RAPGEF4: variants seen among roughly 807,000 people sequenced by gnomAD.
RAPGEF4 encodes the protein Rap guanine nucleotide exchange factor 4, also known as RAP guanine-nucleotide-exchange factor (GEF) 4.
Under a neutral mutation model 147.9 loss-of-function variants are expected in RAPGEF4, and 66 were observed. The observed-to-expected ratio is 0.45, with a 90% confidence interval of 0.37 to 0.55. The LOEUF is 0.55. Among genes scored for constraint, RAPGEF4 ranks in the 20% least tolerant of loss-of-function variants. RAPGEF4 has a pLI of 0.00. For missense variants in RAPGEF4, 1,071 were observed against 1,257.3 expected (o/e 0.85, Z 2.24); for synonymous variants, 419 against 442.7 (o/e 0.95, Z 0.67).
chr2:173,009,824 T>C (rs558322208), intron 17 of RAPGEF4, among the ~76,000 whole-genome samples: 2 of 152,326 alleles, frequency 1.3e-5, no homozygotes, highest in African/African-American at 2.4e-5. Context: ...AAGGCTGTAA[T>C]AGTTAACTCT....
intron 6 of RAPGEF4, among the ~76,000 whole-genome samples, chr2:172,939,835 TA>T (rs1686972687): frequency 1.3e-5 from 2 of 151,958 alleles, no homozygotes; most frequent in African/African-American, 4.8e-5. Flanking sequence ...TCATTTTTTT[TA>T]GCATATGGGC....
At chr2:172,774,376 C>T (rs1683947138) in intron 1 of RAPGEF4, among the ~76,000 whole-genome samples, 1 of 152,190 alleles carries the variant, frequency 6.6e-6, no homozygotes, top group Admixed American at 6.5e-5. Flanking sequence ...TCAAATGCTG[C>T]CCCAATTGGG....
chr2:172,974,581 G>A (rs562697144), intron 10 of RAPGEF4, among the ~76,000 whole-genome samples: 49 of 152,308 alleles, frequency 3.2e-4, no homozygotes, highest in African/African-American at 1.2e-3. Flanking sequence ...CTATCAGGAG[G>A]CTGAGGTGGG....
upstream of RAPGEF4, chr2:172,735,761 C>A (rs957348698): frequency 1.3e-4 from 25 of 187,660 alleles, no homozygotes; most frequent in Admixed American, 3.7e-4. Flanking sequence ...GCGGGCGACT[C>A]GGCCCTCCCC....
chr2:173,002,429 A>G (rs879439322), intron 17 of RAPGEF4, among the ~76,000 whole-genome samples: 2 of 152,196 alleles, frequency 1.3e-5, no homozygotes, highest in African/African-American at 4.8e-5. Context: ...CAGAGCAAAC[A>G]TTCTCAGAAA....
intron 1 of RAPGEF4, among the ~76,000 whole-genome samples, chr2:172,787,499 T>C (rs1489662699): frequency 6.6e-6 from 1 of 152,096 alleles, no homozygotes; most frequent in Non-Finnish European, 1.5e-5. Flanking sequence ...CAGGAATACA[T>C]AGTGATTCGA....
intron 8 of RAPGEF4, among the ~76,000 whole-genome samples, chr2:172,963,581 A>C (rs1689521199): frequency 6.6e-6 from 1 of 152,174 alleles, no homozygotes; most frequent in Non-Finnish European, 1.5e-5. Flanking sequence ...TTGTACTAAG[A>C]TTTTAAACCC....
chr2:172,806,733 T>G (rs1409919036), intron 3 of RAPGEF4, among the ~76,000 whole-genome samples: 1 of 152,202 alleles, frequency 6.6e-6, no homozygotes, highest in African/African-American at 2.4e-5. Flanking sequence ...ATCACTTAAT[T>G]TCATCCCCTC....
chr2:172,772,559 G>A (rs1683732007), intron 1 of RAPGEF4, among the ~76,000 whole-genome samples: 1 of 152,080 alleles, frequency 6.6e-6, no homozygotes, highest in Admixed American at 6.5e-5. Context: ...GGCCAGGCTG[G>A]TCTCAAACTC....
At chr2:173,021,656 G>C (rs776312088) in intron 23 of RAPGEF4, among the ~76,000 whole-genome samples, 2 of 152,178 alleles carry the variant, frequency 1.3e-5, no homozygotes, top group Non-Finnish European at 2.9e-5. Flanking sequence ...ATTTTAGGGA[G>C]AGAGTTTACA....
chr2:172,879,775 C>G (rs920484423), intron 4 of RAPGEF4, among the ~76,000 whole-genome samples: 9 of 152,088 alleles, frequency 5.9e-5, no homozygotes, highest in Non-Finnish European at 1.2e-4. Context: ...GTACTGCAGC[C>G]TGGGTGACAG....
At chr2:172,913,634 C>G (rs1683699429) in intron 4 of RAPGEF4, among the ~76,000 whole-genome samples, 1 of 152,142 alleles carries the variant, frequency 6.6e-6, no homozygotes, top group African/African-American at 2.4e-5. Flanking sequence ...CTCTTATTTT[C>G]TCTAACTCCT....
In RAPGEF4 at chr2:173,048,669, G is replaced by T; in HGVS notation, c.2908+15G>T. 1 of 1,614,072 alleles carries T rather than the reference G, an allele frequency of 6.2e-7. No homozygotes were observed. Among genetic ancestry groups the T allele is most frequent in the Non-Finnish European group, 8.5e-7 (1 of 1,179,980 alleles). On this transcript the variant is annotated intron_variant, in intron 30 of 30. Coordinates refer to ENST00000397081, the MANE Select transcript of RAPGEF4 (RefSeq NM_007023.4). ...CCAACCCTTCAGTAAGTTAAGTGCT[G>T]CCACCTCTTACAATGTAGATGTTGG...
At chr2:172,996,593 TGCATA>T (rs751726209) in intron 16 of RAPGEF4, 39 bp downstream of exon 16, 4 of 1,343,058 alleles carry the variant, frequency 3.0e-6, no homozygotes, top group Non-Finnish European at 3.1e-6. Context: ...ATTAAATCCA[TGCATA>T]GCATTGTTTA....
chr2:172,828,083 A>G (rs575419582), intron 4 of RAPGEF4, among the ~76,000 whole-genome samples: 1 of 152,314 alleles, frequency 6.6e-6, no homozygotes, highest in South Asian at 2.1e-4. Context: ...GGGTTGCAGA[A>G]ATGAACAACT....
intron 4 of RAPGEF4, among the ~76,000 whole-genome samples, chr2:172,815,791 T>C (rs1688448001): frequency 1.3e-5 from 2 of 152,214 alleles, no homozygotes; most frequent in South Asian, 4.1e-4. Context: ...AAAGATTTAT[T>C]TTAATTAGGA....
intron 2 of RAPGEF4, among the ~76,000 whole-genome samples, chr2:172,795,714 C>A (rs1220248535): frequency 6.6e-6 from 1 of 152,000 alleles, no homozygotes. Flanking sequence ...TTGGAATATT[C>A]AATGACTTAT....
chr2:173,032,760 G>GT (rs1697311772), intron 26 of RAPGEF4, among the ~76,000 whole-genome samples: 1 of 152,204 alleles, frequency 6.6e-6, no homozygotes, highest in African/African-American at 2.4e-5. Context: ...TTTTACAGAT[G>GT]TTTAAATGGG....
In RAPGEF4 at chr2:173,014,530, G is replaced by A. The variant is rs774023802; in HGVS notation, c.1725G>A (p.Arg575=). ...EKMDYALNNK[R]RVIRLVLQWA... ...TGGATTATGCCCTCAACAATAAGAG[G>A]CGAGTCATCCGCCTGGTTCTACAGT... Residue 575 remains arginine (R), a synonymous_variant, in exon 18 of 31, where the codon AGG becomes AGA. Transcript: ENST00000397081. 9 of 1,613,998 alleles carry A rather than the reference G, an allele frequency of 5.6e-6. No homozygotes were observed. In the African/African-American group the frequency reaches 1.2e-4, roughly 22 times the overall value.
Sources: allele counts gnomAD v4.1 joint callset (sites outside exome capture counted in the v4.1 genomes callset), GRCh38; gene constraint gnomAD v4.1.1; transcripts MANE v1.5; gene names NCBI Gene and HGNC (gene_info 2026-07-23, HGNC 2026-07-21).